INPP4B: variants seen among roughly 807,000 people sequenced by gnomAD.
INPP4B encodes the protein inositol polyphosphate 4-phosphatase type II.
INPP4B carries 55 observed loss-of-function variants against 122.5 expected under a neutral mutation model. The ratio of observed to expected loss-of-function variants is 0.45; its 90% CI spans 0.36 to 0.56. The LOEUF is 0.56. Among genes scored for constraint, INPP4B ranks in the 20% least tolerant of loss-of-function variants. The pLI, the probability that INPP4B is intolerant of heterozygous loss-of-function variation, is 0.00. For synonymous variants in INPP4B, 403 were observed against 388.7 expected, an observed-to-expected ratio of 1.04 and a Z score of -0.43; for missense variants, 1,000 against 1,097.7, an observed-to-expected ratio of 0.91 and a Z score of 1.26.
intron 2 of INPP4B, among the ~76,000 whole-genome samples, chr4:142,658,702 G>C (rs1408076346): frequency 9.9e-5 from 15 of 152,124 alleles, no homozygotes; most frequent in Non-Finnish European, 1.0e-4. Context: ...TAACTAGAAG[G>C]GTATGCTTCC....
chr4:142,606,764 C>A (rs1424828689), intron 2 of INPP4B, among the ~76,000 whole-genome samples: 2 of 151,882 alleles, frequency 1.3e-5, no homozygotes, highest in Non-Finnish European at 2.9e-5. Context: ...ATACTAAAAT[C>A]AATTTTCTCC....
At chr4:142,806,786 G>GGAAAGAAAGAAAGGAAGAAAGAAA (rs1778855083) in intron 1 of INPP4B, among the ~76,000 whole-genome samples, 1 of 75,948 alleles carries the variant, frequency 1.3e-5, no homozygotes, top group African/African-American at 5.2e-5. Flanking sequence ...AAAGAAAGAA[G>GGAAAGAAAGAAAGGAAGAAAGAAA]GAAAGAAAGA....
chr4:142,112,780 C>T, intron 21 of INPP4B, 98 bp from the exon 22 acceptor site: 1 of 1,167,604 alleles, frequency 8.6e-7, no homozygotes, highest in East Asian at 2.5e-5. Context: ...TGGAATATAG[C>T]ACTGATTTAG....
At chr4:142,100,173 CCTCATCTTCCAGGCTAACTTACACTT>C (rs1429246727) in intron 23 of INPP4B, among the ~76,000 whole-genome samples, 5 of 152,130 alleles carry the variant, frequency 3.3e-5, no homozygotes, top group Non-Finnish European at 7.4e-5. Context: ...TCACAGGAAA[CCTCATCTTCCAGGCTAACTTACACTT>C]AACTCTGGGC....
At chr4:142,046,711 T>C (rs752865025) in intron 25 of INPP4B, among the ~76,000 whole-genome samples, 2 of 152,050 alleles carry the variant, frequency 1.3e-5, no homozygotes, top group Non-Finnish European at 2.9e-5. Context: ...GGGAGGGACA[T>C]GACTATTTTT....
intron 1 of INPP4B, among the ~76,000 whole-genome samples, chr4:142,734,439 G>A (rs2150892214): frequency 6.6e-6 from 1 of 152,274 alleles, no homozygotes; most frequent in East Asian, 1.9e-4. Flanking sequence ...ACCTGAAAGA[G>A]GACATGAGGA....
At chr4:142,585,237 G>A (rs1735913264) in intron 2 of INPP4B, among the ~76,000 whole-genome samples, 1 of 152,160 alleles carries the variant, frequency 6.6e-6, no homozygotes. Context: ...TTTCACTCAA[G>A]AATGATGTTA....
chr4:142,047,095 C>T (rs530616893), intron 25 of INPP4B, among the ~76,000 whole-genome samples: 9 of 152,154 alleles, frequency 5.9e-5, no homozygotes, highest in African/African-American at 1.4e-4. Context: ...ACACTTGCAA[C>T]GATTCTCTGC....
rs35595178 is a variant in INPP4B at position 142,530,550 on chromosome 4, CATATATATAT to C, written c.-190-67834_-190-67825del. Among the ~76,000 whole-genome samples, 49 of 140,460 alleles carry C rather than the reference CATATATATAT, an allele frequency of 3.5e-4. No individual in the cohort carries two copies. In the East Asian group the frequency reaches 4.6e-3, roughly 13 times the overall value. The allele number at this position is 140,460 out of a possible 152,430, so 92.1% of individuals were successfully genotyped here. A position where few individuals can be genotyped will look rare whatever the true frequency, so the allele number is the denominator to read the frequency against. On this transcript the variant is annotated intron_variant, in intron 2 of 25. Coordinates refer to ENST00000262992, the MANE Select transcript of INPP4B (RefSeq NM_001101669.3). ...AGTGATATACATATATATGTGTGTG[CATATATATAT>C]ATATATATATATATATATACACACA...
At chr4:142,083,043 T>C (rs1342462022) in intron 24 of INPP4B, among the ~76,000 whole-genome samples, 1 of 151,786 alleles carries the variant, frequency 6.6e-6, no homozygotes, top group Non-Finnish European at 1.5e-5. Context: ...GGAGGATTAC[T>C]TGAGCCTGTG....
chr4:142,145,425 A>G (rs1201945898), intron 18 of INPP4B, among the ~76,000 whole-genome samples: 1 of 152,132 alleles, frequency 6.6e-6, no homozygotes, highest in Non-Finnish European at 1.5e-5. Flanking sequence ...TGCAAAAATC[A>G]TCCTATCTGA....
Position 142,622,579 on chromosome 4 carries a change from TATC to T in INPP4B, c.-191+103257_-191+103259del, listed in dbSNP as rs1330769352. Among the ~76,000 whole-genome samples, 6 of 151,740 alleles carry T rather than the reference TATC, an allele frequency of 4.0e-5. No individual in the cohort carries two copies. The East Asian group carries it at 7.8e-4, about 20-fold the overall frequency. ...GCCTGAGTGGAGAAGGAGAAAAAAA[TATC>T]ATGCGGGAAATTCCTTGGACCAAAA... On this transcript the variant is annotated intron_variant, in intron 2 of 25. Coordinates refer to ENST00000262992, the MANE Select transcript of INPP4B (RefSeq NM_001101669.3).
At chr4:142,414,504 G>C (rs1805278348) in intron 5 of INPP4B, among the ~76,000 whole-genome samples, 1 of 152,090 alleles carries the variant, frequency 6.6e-6, no homozygotes, top group Non-Finnish European at 1.5e-5. Flanking sequence ...GAAAAATGAA[G>C]ATACCAGCTG....
chr4:142,556,399 T>G (rs1159089937), intron 2 of INPP4B, among the ~76,000 whole-genome samples: 1 of 152,188 alleles, frequency 6.6e-6, no homozygotes, highest in Non-Finnish European at 1.5e-5. Flanking sequence ...GAAGAAAAAC[T>G]GTTATTTTTA....
At chr4:142,443,980 A>G (rs747153632) in intron 3 of INPP4B, among the ~76,000 whole-genome samples, 4 of 152,208 alleles carry the variant, frequency 2.6e-5, no homozygotes, top group Non-Finnish European at 5.9e-5. Context: ...TTACCCAGGT[A>G]TTAGAACTAA....
chr4:142,634,068 A>G (rs1748576307), intron 2 of INPP4B, among the ~76,000 whole-genome samples: 1 of 151,972 alleles, frequency 6.6e-6, no homozygotes, highest in African/African-American at 2.4e-5. Context: ...AGGGGGCTGG[A>G]GGGAGATATT....
chr4:142,566,892 C>T (rs1731733721), intron 2 of INPP4B, among the ~76,000 whole-genome samples: 1 of 152,134 alleles, frequency 6.6e-6, no homozygotes, highest in African/African-American at 2.4e-5. Flanking sequence ...AAGTGAAGCT[C>T]TCTTTTCATC....
intron 14 of INPP4B, among the ~76,000 whole-genome samples, chr4:142,196,851 G>C (rs909227418): frequency 6.6e-6 from 1 of 152,016 alleles, no homozygotes; most frequent in Non-Finnish European, 1.5e-5. Context: ...TAAGCACCAT[G>C]AAAGTGAAAA....
chr4:142,819,026 T>C (rs1780484903), intron 1 of INPP4B, among the ~76,000 whole-genome samples: 1 of 152,112 alleles, frequency 6.6e-6, no homozygotes, highest in African/African-American at 2.4e-5. Context: ...CGAATCTTTG[T>C]TGAGAGATGA....
Sources: allele counts gnomAD v4.1 joint callset (sites outside exome capture counted in the v4.1 genomes callset), GRCh38; gene constraint gnomAD v4.1.1; transcripts MANE v1.5; gene names NCBI Gene and HGNC (gene_info 2026-07-23, HGNC 2026-07-21).